The following MRNIP variants were observed in gnomAD, a reference collection of about 807,000 sequenced individuals.
MRNIP encodes MRN complex-interacting protein.
A neutral mutation model predicts 29.8 loss-of-function variants in MRNIP; 30 were observed. The observed-to-expected ratio is 1.01, with a 90% CI of 0.75 to 1.36. The LOEUF (loss-of-function observed/expected upper bound fraction) is 1.36, where lower values mean the gene tolerates loss of function less well. MRNIP is among the 40% of genes most tolerant of loss of function. The probability of loss-of-function intolerance (pLI) is 0.00; values close to 1 mark genes in which losing one functional copy is unlikely to be tolerated. For missense variants in MRNIP, 459 were observed against 423.5 expected (o/e 1.08, Z -0.74); for synonymous variants, 201 against 164.1 (o/e 1.23, Z -1.72).
At position 179,851,393 on chromosome 5, in the gene MRNIP, T is replaced by C. The variant is rs1036214312; in HGVS notation, c.126+1985A>G. The C allele has an allele frequency of 1.1e-5, 5 of 455,926 alleles. No individual in the cohort carries two copies. In the East Asian group the frequency reaches 2.8e-4, roughly 25 times the overall value. 28.2% of individuals were successfully genotyped at this position (455,926 alleles called of 1,614,324 possible). A position where few individuals can be genotyped will look rare whatever the true frequency, so the allele number is the denominator to read the frequency against. ...CCAGTTGGCTTGGAATGAGATTCTATGGACTTGGAGCAGAGAATCTGACTG... is the reference window on the plus strand; with the variant it reads ...CCAGTTGGCTTGGAATGAGATTCTACGGACTTGGAGCAGAGAATCTGACTG... On this transcript the variant is annotated intron_variant, in intron 2 of 6. Coordinates refer to ENST00000292586, the MANE Select transcript of MRNIP (RefSeq NM_016175.4).
rs1478190815 is a variant in MRNIP, at chr5:179,847,982, G to T, written c.211C>A (p.Leu71Ile). The change falls in exon 3 of 7, where the codon CTC becomes ATC. Residue 71 changes from leucine (L) to isoleucine (I), a missense_variant. Coordinates refer to ENST00000292586, the MANE Select transcript of MRNIP (RefSeq NM_016175.4). ...GCTCTTCTCAAACAACTGTACCTGA[G>T]TGGCAGCTCTGAAACTTGTCCCTGT... ...LLQGQVSELP[L>I]RSLEETVSAS... The T allele has an allele frequency of 6.2e-7, 1 of 1,606,836 alleles. No individual in the cohort carries two copies. The highest frequency in any genetic ancestry group is 1.3e-5 in the African/African-American group (1 of 74,674).
intron 4 of MRNIP, among the ~76,000 whole-genome samples, chr5:179,842,386 T>A (rs1459426163): frequency 6.6e-6 from 1 of 151,836 alleles, no homozygotes; most frequent in Admixed American, 6.6e-5. Context: ...ATTTCATTTA[T>A]AAGAACAGAA....
intron 5 of MRNIP, 36 bp from the exon 6 acceptor site, chr5:179,840,995 T>TGGAGAGTAGCACGGGA: frequency 6.8e-7 from 1 of 1,469,104 alleles, no homozygotes; most frequent in Non-Finnish European, 9.3e-7. Flanking sequence ...CCCGTGCTAC[T>TGGAGAGTAGCACGGGA]CTCCAGTGGC....
At position 179,837,690 on chromosome 5, in the gene MRNIP, C is replaced by T; in HGVS notation, c.733G>A (p.Glu245Lys). The change falls in exon 7 of 7, where the codon GAG (glutamate) becomes AAG (lysine). Residue 245 changes from glutamate to lysine, a missense_variant. By Grantham distance (56) the Glu-to-Lys change is moderately conservative. Transcript: ENST00000292586. ...PPRKSSHVDS[E>K]QPRSLQRDPR... is the part of the protein sequence containing the mutation. ...TCCCTCTGAAGAGACCTTGGCTGCTCACTGTCCACATGTGAACTTTTTCTA... is the reference window on the plus strand; with the variant it reads ...TCCCTCTGAAGAGACCTTGGCTGCTTACTGTCCACATGTGAACTTTTTCTA... 6.2e-7 allele frequency: 1 copy of T among 1,614,272 alleles called. No homozygotes were observed. Among genetic ancestry groups the T allele is most frequent in the East Asian group, 2.2e-5 (1 of 44,892 alleles).
Position 179,837,425 on chromosome 5 carries a change from A to G in MRNIP, c.998T>C (p.Phe333Ser), listed in dbSNP as rs748178902. 2.5e-6 allele frequency: 4 copies of G among 1,604,168 alleles called. No individual in the cohort carries two copies. Among genetic ancestry groups the G allele is most frequent in the East Asian group, 2.2e-5 (1 of 44,760 alleles). Residue 333 changes from phenylalanine to serine, a missense_variant, in exon 7 of 7, where the codon TTT (phenylalanine) becomes TCT (serine). Phe to Ser is a radical substitution (Grantham distance 155). Coordinates refer to ENST00000292586, the MANE Select transcript of MRNIP (RefSeq NM_016175.4). Reference protein sequence around the residue: ...NPRPTRLCDLFITGEDFDDDV With the variant: ...NPRPTRLCDLSITGEDFDDDV ...ATCATCGAAGTCTTCCCCAGTTATAAAGAGGTCACATAGTCGTGTGGGTCG... is the reference window on the plus strand; with the variant it reads ...ATCATCGAAGTCTTCCCCAGTTATAGAGAGGTCACATAGTCGTGTGGGTCG...
intron 2 of MRNIP, among the ~76,000 whole-genome samples, chr5:179,851,782 T>C (rs938135510): frequency 6.6e-6 from 1 of 151,972 alleles, no homozygotes; most frequent in African/African-American, 2.4e-5. Flanking sequence ...ATTGACACCA[T>C]CCTGGCTAAC....
chr5:179,858,059 G>T (rs1759675631), intron 1 of MRNIP, among the ~76,000 whole-genome samples: 1 of 151,370 alleles, frequency 6.6e-6, no homozygotes, highest in South Asian at 2.1e-4. Flanking sequence ...TCTTTCTCAG[G>T]GCATAGCAGA....
At chr5:179,854,177 C>T (rs556588808) in intron 1 of MRNIP, among the ~76,000 whole-genome samples, 5 of 152,014 alleles carry the variant, frequency 3.3e-5, no homozygotes, top group South Asian at 2.1e-4. Flanking sequence ...CCCGCCACCA[C>T]GCCTGGCTAA....
intron 1 of MRNIP, among the ~76,000 whole-genome samples, chr5:179,854,170 G>A (rs924809634): frequency 9.2e-5 from 14 of 151,656 alleles, no homozygotes; most frequent in East Asian, 3.9e-4. Context: ...ACAGGTGCCC[G>A]CCACCACGCC....
chr5:179,854,177 C>A (rs556588808), intron 1 of MRNIP, among the ~76,000 whole-genome samples: 65 of 152,014 alleles, frequency 4.3e-4, no homozygotes, highest in Non-Finnish European at 8.4e-4. Context: ...CCCGCCACCA[C>A]GCCTGGCTAA....
In MRNIP at chr5:179,856,684, G is replaced by A. The variant is rs530482037; in HGVS notation, c.66+2047C>T. ...GACAAGGTCTCGCTACGTTGCCCAG[G>A]CTGCTCTGGAACTTCTGAGCTCAAG... On this transcript the variant is annotated intron_variant, in intron 1 of 6. Coordinates refer to ENST00000292586, the MANE Select transcript of MRNIP (RefSeq NM_016175.4). 1.9e-4 allele frequency among the ~76,000 whole-genome samples: 29 copies of A among 152,288 alleles called. No individual in the cohort carries two copies. In the South Asian group the frequency reaches 5.8e-3, roughly 30 times the overall value.
chr5:179,856,277 T>TA (rs1252964790), intron 1 of MRNIP, among the ~76,000 whole-genome samples: 1 of 152,156 alleles, frequency 6.6e-6, no homozygotes, highest in Non-Finnish European at 1.5e-5. Context: ...ACTGCTGAGA[T>TA]AGTATGGTTC....
chr5:179,858,545 A>G (rs968638308), intron 1 of MRNIP, among the ~76,000 whole-genome samples, 186 bp downstream of exon 1: 3 of 152,216 alleles, frequency 2.0e-5, no homozygotes, highest in African/African-American at 7.2e-5. Context: ...GGTTTGTACA[A>G]GAACCAAACA....
At chr5:179,853,709 T>C (rs1023515969) in intron 1 of MRNIP, among the ~76,000 whole-genome samples, 2 of 150,486 alleles carry the variant, frequency 1.3e-5, no homozygotes, top group Non-Finnish European at 3.0e-5. Context: ...GAGGTGGAGG[T>C]TGCAGTGAGC....
At chr5:179,858,088 G>A (rs762912975) in intron 1 of MRNIP, among the ~76,000 whole-genome samples, 49 of 152,086 alleles carry the variant, frequency 3.2e-4, no homozygotes, top group Non-Finnish European at 6.2e-4. Context: ...AATTAGGAGG[G>A]AGGGACTATC....
chr5:179,843,041 AGAAGGAAG>A lies in MRNIP; in HGVS notation c.292-985_292-978del, dbSNP rs575675053. Among the ~76,000 whole-genome samples, 589 of 106,184 alleles carry A rather than the reference AGAAGGAAG, an allele frequency of 5.5e-3. 1 individual carries two copies. Among genetic ancestry groups the A allele is most frequent in the African/African-American group, 0.013 (281 of 22,130 alleles). 69.7% of individuals were successfully genotyped at this position (106,184 alleles called of 152,430 possible). ...AGCGAGACTCTGTCGAAAGGAGGAA[AGAAGGAAG>A]GAAGGAAGGAAGGGAGGGAGGGAGG... On this transcript the variant is annotated intron_variant, in intron 4 of 6. Coordinates refer to ENST00000292586, the MANE Select transcript of MRNIP (RefSeq NM_016175.4).
intron 1 of MRNIP, among the ~76,000 whole-genome samples, chr5:179,853,725 T>C (rs143390605): frequency 0.011 from 1,585 of 149,688 alleles, 27 homozygotes; most frequent in African/African-American, 0.037. Flanking sequence ...TGAGCCAAGA[T>C]TGCACCACTG....
Position 179,837,579 on chromosome 5 carries a change from C to T in MRNIP, c.844G>A (p.Ala282Thr), listed in dbSNP as rs370481237. 52 of 1,614,054 alleles carry T rather than the reference C, an allele frequency of 3.2e-5. No individual in the cohort carries two copies. Among genetic ancestry groups the T allele is most frequent in the South Asian group, 2.0e-4 (18 of 91,092 alleles). ...SREGLSRPTA[A>T]VQLPRATHPV... ...TGTGTGGCCCGAGGAAGCTGGACAG[C>T]GGCAGTGGGCCTGCTGAGGCCTTCT... The change falls in exon 7 of 7, where the codon GCT becomes ACT. Residue 282 changes from alanine to threonine, a missense_variant. Physicochemically the swap from Ala to Thr is moderately conservative, Grantham distance 58. Coordinates refer to ENST00000292586, the MANE Select transcript of MRNIP (RefSeq NM_016175.4).
chr5:179,847,975 T>C lies in MRNIP; in HGVS notation c.215+3A>G, dbSNP rs1426690092. The stretch of plus-strand genomic sequence containing the variant: ...CAACCACGCTCTTCTCAAACAACTG[T>C]ACCTGAGTGGCAGCTCTGAAACTTG... On this transcript the variant is annotated splice_donor_region_variant and intron_variant, in intron 3 of 6. Transcript: ENST00000292586. 1.9e-6 allele frequency: 3 copies of C among 1,600,440 alleles called. No homozygotes were observed. Among genetic ancestry groups the C allele is most frequent in the East Asian group, 2.2e-5 (1 of 44,818 alleles).
Sources: gnomAD v4.1 joint callset for allele counts (sites outside exome capture counted in the v4.1 genomes callset) on GRCh38, gnomAD v4.1.1 for gene constraint, MANE v1.5 for transcripts, NCBI Gene and HGNC (gene_info 2026-07-23, HGNC 2026-07-21) for gene names.